APLF: variants seen among roughly 807,000 people sequenced by gnomAD.
APLF encodes aprataxin and PNKP like factor.
A neutral mutation model predicts 55.6 loss-of-function variants in APLF; 61 were observed. That is an observed-to-expected ratio of 1.10 (90% CI 0.89 to 1.36). The LOEUF is 1.36. Among genes scored for constraint, APLF ranks in the 40% most tolerant of loss-of-function variants. The pLI is 0.00. For synonymous variants in APLF, 207 were observed against 214.8 expected, an observed-to-expected ratio of 0.96 and a Z score of 0.32; for missense variants, 611 against 602.5, an observed-to-expected ratio of 1.01 and a Z score of -0.15.
At chr2:68,503,004 A>G in intron 3 of APLF, 101 bp downstream of exon 3, 1 of 1,256,570 alleles carries the variant, frequency 8.0e-7, no homozygotes, top group South Asian at 1.4e-5. Flanking sequence ...ATTAAACTGG[A>G]GATAGAGTAG....
At position 68,543,391 on chromosome 2, in the gene APLF, A is replaced by G. The variant is rs184216961; in HGVS notation, c.1161-1796A>G. ...GTAGGCCAGATTTGGCCTGCTGTTC[A>G]TGGTTTGCCACTCTCTGCTATAAAT... On this transcript the variant is annotated intron_variant, in intron 7 of 9. Transcript: ENST00000303795. Among the ~76,000 whole-genome samples the G allele has an allele frequency of 1.1e-4, 16 of 152,316 alleles. No individual in the cohort carries two copies. The East Asian group carries it at 2.9e-3, about 28-fold the overall frequency.
chr2:68,527,519 C>T (rs1427538827), intron 6 of APLF, among the ~76,000 whole-genome samples: 1 of 151,294 alleles, frequency 6.6e-6, no homozygotes, highest in African/African-American at 2.4e-5. Context: ...GGCAGAGGCG[C>T]TCCTCACTTC....
intron 8 of APLF, among the ~76,000 whole-genome samples, chr2:68,554,753 C>T (rs1438343956): frequency 2.0e-5 from 3 of 151,410 alleles, no homozygotes; most frequent in Admixed American, 6.6e-5. Context: ...ATTTTGTATC[C>T]GGAAACTTTG....
At chr2:68,569,527 A>T (rs1287758930) in intron 9 of APLF, among the ~76,000 whole-genome samples, 1 of 152,144 alleles carries the variant, frequency 6.6e-6, no homozygotes, top group Non-Finnish European at 1.5e-5. Context: ...ACTGTGGCTG[A>T]TGCTAAAAGG....
Position 68,526,139 on chromosome 2 carries a change from G to A in APLF, c.701G>A (p.Arg234Lys). ...CTAAACACAACCCAGCAAGGAAGAA[G>A]GCAATTAATTTCATCAGGAAGTTCA... Reference protein sequence around the residue: ...SQLNTTQQGRRQLISSGSSEN... With the variant: ...SQLNTTQQGRKQLISSGSSEN... The change falls in exon 6 of 10, where the codon AGG becomes AAG. Residue 234 changes from arginine (R) to lysine (K), a missense_variant. Coordinates refer to ENST00000303795, the MANE Select transcript of APLF (RefSeq NM_173545.3). 2 of 1,613,930 alleles carry A rather than the reference G, an allele frequency of 1.2e-6. No individual in the cohort carries two copies. Among genetic ancestry groups the A allele is most frequent in the South Asian group, 1.1e-5 (1 of 91,076 alleles).
intron 3 of APLF, among the ~76,000 whole-genome samples, chr2:68,509,703 C>A (rs1294888057): frequency 6.6e-6 from 1 of 152,100 alleles, no homozygotes; most frequent in East Asian, 1.9e-4. Flanking sequence ...TTTGACCCAG[C>A]CATCCCATTA....
At chr2:68,518,854 ATAT>A (rs1167245850) in intron 5 of APLF, among the ~76,000 whole-genome samples, 79 of 126,288 alleles carry the variant, frequency 6.3e-4, no homozygotes, top group Middle Eastern at 0.011. Flanking sequence ...TAAAATACTA[ATAT>A]TATGTCATTA....
At chr2:68,506,175 C>A (rs1676868639) in intron 3 of APLF, among the ~76,000 whole-genome samples, 1 of 151,410 alleles carries the variant, frequency 6.6e-6, no homozygotes, top group African/African-American at 2.4e-5. Context: ...CCTGTAGCTT[C>A]TTAGTGAATA....
chr2:68,518,938 T>G (rs1307594365), intron 5 of APLF, among the ~76,000 whole-genome samples: 2 of 123,510 alleles, frequency 1.6e-5, no homozygotes, highest in Admixed American at 9.2e-5. Context: ...AATATTAATA[T>G]ATTATATAAT....
intron 1 of APLF, among the ~76,000 whole-genome samples, chr2:68,470,730 T>C (rs1183417848): frequency 6.6e-6 from 1 of 152,188 alleles, no homozygotes; most frequent in Non-Finnish European, 1.5e-5. Context: ...TCTATTTTCC[T>C]CCTAGGAAAC....
Position 68,529,162 on chromosome 2 carries a change from T to G in APLF, c.804+2920T>G. 4 of 1,298,128 alleles carry G rather than the reference T, an allele frequency of 3.1e-6. No individual in the cohort carries two copies. Among genetic ancestry groups the G allele is most frequent in the Non-Finnish European group, 4.2e-6 (4 of 951,404 alleles). The allele number at this position is 1,298,128 out of a possible 1,614,324, so 80.4% of individuals were successfully genotyped here. A position where few individuals can be genotyped will look rare whatever the true frequency, so the allele number is the denominator to read the frequency against. ...GAGCAGACAGCACGGGTTTCTTCCT[T>G]GAGGGGGGGCTCCAGACAACAGGAG... On this transcript the variant is annotated intron_variant, in intron 6 of 9. Coordinates refer to ENST00000303795, the MANE Select transcript of APLF (RefSeq NM_173545.3). The surrounding 1 kb of genome is among the most constrained non-coding windows in gnomAD (Gnocchi z 4.4).
chr2:68,538,281 A>G, intron 7 of APLF, 54 bp downstream of exon 7: 1 of 1,433,500 alleles, frequency 7.0e-7, no homozygotes, highest in Admixed American at 2.2e-5. Flanking sequence ...GCGTGTAGCT[A>G]TGTAGATACA....
intron 3 of APLF, among the ~76,000 whole-genome samples, chr2:68,511,473 A>T (rs765348613): frequency 3.3e-5 from 5 of 151,822 alleles, no homozygotes; most frequent in Non-Finnish European, 5.9e-5. Context: ...ATTGTGGGTA[A>T]CTATTAATAA....
At chr2:68,476,422 G>A (rs1200703627) in intron 1 of APLF, among the ~76,000 whole-genome samples, 1 of 147,884 alleles carries the variant, frequency 6.8e-6, no homozygotes, top group Non-Finnish European at 1.5e-5. Flanking sequence ...GGCAGAGATT[G>A]CAATGAGCTG....
chr2:68,533,020 G>A (rs975512643), intron 6 of APLF, among the ~76,000 whole-genome samples: 43 of 152,146 alleles, frequency 2.8e-4, no homozygotes, highest in African/African-American at 1.0e-3. Flanking sequence ...AAGCCCAGGA[G>A]TTTAAGGCCA....
rs367652874 is a variant in APLF at position 68,532,060 on chromosome 2, A to G, written c.805-5812A>G. Reference sequence around the variant, plus strand: ...GCTCTCTGGTAAAGCTGAGCCAGAGAATATGACTTAGACTGAAAATCCCAG... The same window carrying G: ...GCTCTCTGGTAAAGCTGAGCCAGAGGATATGACTTAGACTGAAAATCCCAG... On this transcript the variant is annotated intron_variant, in intron 6 of 9. Coordinates refer to ENST00000303795, the MANE Select transcript of APLF (RefSeq NM_173545.3). 2.2e-4 allele frequency among the ~76,000 whole-genome samples: 33 copies of G among 152,256 alleles called. No individual in the cohort carries two copies. The South Asian group carries it at 5.8e-3, about 27-fold the overall frequency.
chr2:68,542,732 T>C (rs762226556), intron 7 of APLF, among the ~76,000 whole-genome samples: 1 of 152,202 alleles, frequency 6.6e-6, no homozygotes, highest in Non-Finnish European at 1.5e-5. Context: ...GTGTAGCCAC[T>C]GTGGGAAACA....
chr2:68,561,832 G>A (rs559984700), intron 8 of APLF, among the ~76,000 whole-genome samples: 14 of 152,044 alleles, frequency 9.2e-5, no homozygotes, highest in African/African-American at 3.1e-4. Context: ...AAAATCATTG[G>A]AATCTATAGA....
intron 1 of APLF, among the ~76,000 whole-genome samples, chr2:68,468,092 A>G (rs1347145871): frequency 6.6e-6 from 1 of 152,210 alleles, no homozygotes; most frequent in Non-Finnish European, 1.5e-5. Flanking sequence ...AATCCAGCCT[A>G]TGTTTGTATG....
Sources: allele counts gnomAD v4.1 joint callset (sites outside exome capture counted in the v4.1 genomes callset), GRCh38; gene constraint gnomAD v4.1.1; non-coding constraint Gnocchi (gnomAD v3.1); transcripts MANE v1.5; gene names NCBI Gene and HGNC (gene_info 2026-07-23, HGNC 2026-07-21).